Variants in GXYLT1 observed in about 807,000 individuals in gnomAD.
The protein encoded by GXYLT1 is glucoside xylosyltransferase 1, also known as glycosyltransferase 8 domain containing 3.
Under a neutral mutation model 54.0 loss-of-function variants are expected in GXYLT1, and 29 were observed. That is an observed-to-expected ratio of 0.54 (90% confidence interval 0.40 to 0.73). The LOEUF is 0.73. Ranked by LOEUF, GXYLT1 falls within the 30% of genes least tolerant of loss-of-function variation. GXYLT1 has a pLI of 0.00. For missense variants in GXYLT1, 490 were observed against 553.4 expected (o/e 0.89, Z 1.15); for synonymous variants, 176 against 204.1 (o/e 0.86, Z 1.17).
At chr12:42,134,385 C>G (rs1051848829) in intron 1 of GXYLT1, among the ~76,000 whole-genome samples, 1 of 152,110 alleles carries the variant, frequency 6.6e-6, no homozygotes, top group African/African-American at 2.4e-5. Flanking sequence ...AAACACAGCT[C>G]ACTACAGCCT....
chr12:42,083,964 A>C lies in GXYLT1; in HGVS notation c.*3822T>G, dbSNP rs540195331. On this transcript the variant is annotated 3_prime_UTR_variant, in exon 8 of 8. Coordinates refer to ENST00000398675, the MANE Select transcript of GXYLT1 (RefSeq NM_173601.2). ...TGTATTTCCACAGGTCCTAGCTCAC[A>C]AACTGGGATCCACTAAAAAAAAAAG... 6.6e-6 allele frequency: 1 copy of C among 151,096 alleles called. No individual in the cohort carries two copies. The highest frequency in any genetic ancestry group is 2.1e-4 in the South Asian group (1 of 4,810). The allele number at this position is 151,096 out of a possible 1,614,324, so 9.4% of individuals were successfully genotyped here. A position where few individuals can be genotyped will look rare whatever the true frequency, so the allele number is the denominator to read the frequency against.
At chr12:42,102,289 C>A (rs2065394804) in intron 5 of GXYLT1, among the ~76,000 whole-genome samples, 1 of 152,194 alleles carries the variant, frequency 6.6e-6, no homozygotes, top group South Asian at 2.1e-4. Flanking sequence ...AAAAGTTCTA[C>A]CCCTTTGGCA....
rs548517670 is a variant in GXYLT1, at chr12:42,090,592, T to C, written c.1162-2645A>G. On this transcript the variant is annotated intron_variant, in intron 7 of 7. Transcript: ENST00000398675. ...ATACTGTCAGTTGAACGACATGAAATAGTGAAGCTGTGATGACCATAATTA... is the reference window on the plus strand; with the variant it reads ...ATACTGTCAGTTGAACGACATGAAACAGTGAAGCTGTGATGACCATAATTA... 2.4e-4 allele frequency among the ~76,000 whole-genome samples: 37 copies of C among 152,320 alleles called. 1 individual carries two copies. Among genetic ancestry groups the C allele is most frequent in the African/African-American group, 7.9e-4 (33 of 41,572 alleles).
chr12:42,096,414 G>C (rs554144806), intron 7 of GXYLT1, among the ~76,000 whole-genome samples: 35 of 152,132 alleles, frequency 2.3e-4, no homozygotes, highest in Non-Finnish European at 4.4e-4. Context: ...ACAAGAAGTA[G>C]CCAATGGGGC....
chr12:42,132,751 T>A (rs1394672711), intron 1 of GXYLT1, among the ~76,000 whole-genome samples: 1 of 152,084 alleles, frequency 6.6e-6, no homozygotes, highest in Non-Finnish European at 1.5e-5. Context: ...AGTATTACAA[T>A]TAAACTGTAT....
In GXYLT1 at chr12:42,109,578, T is replaced by C. The variant is rs2065440127; in HGVS notation, c.600A>G (p.Arg200=). 1.3e-6 allele frequency: 2 copies of C among 1,489,962 alleles called. No homozygotes were observed. Among genetic ancestry groups the C allele is most frequent in the East Asian group, 2.6e-5 (1 of 39,152 alleles). The allele number at this position is 1,489,962 out of a possible 1,614,324, so 92.3% of individuals were successfully genotyped here. ...GGAAAAAACTTACCGGCAAGAACAA[T>C]CTCTGCGAAGCACATGGTTTAAAGA... ...KKLFKPCASQ[R]LFLPLILKEV... Residue 200 remains arginine (R), a synonymous_variant, in exon 4 of 8, where the codon AGA becomes AGG. Transcript: ENST00000398675.
intron 7 of GXYLT1, among the ~76,000 whole-genome samples, chr12:42,094,381 G>A (rs926724629): frequency 6.8e-6 from 1 of 147,376 alleles, no homozygotes; most frequent in Admixed American, 6.8e-5. Context: ...GATGAGGCTG[G>A]GCTTGATGAC....
intron 1 of GXYLT1, among the ~76,000 whole-genome samples, chr12:42,143,871 T>C (rs1403638764): frequency 6.6e-6 from 1 of 152,174 alleles, no homozygotes; most frequent in Non-Finnish European, 1.5e-5. Flanking sequence ...AAACTGAGTG[T>C]TTCCAAAAGA....
rs1434792360 is a variant in GXYLT1 at position 42,086,707 on chromosome 12, G to A, written c.*1079C>T. The A allele has an allele frequency of 6.6e-6, 1 of 151,418 alleles. No homozygotes were observed. The highest frequency in any genetic ancestry group is 1.5e-5 in the Non-Finnish European group (1 of 67,844). The allele number at this position is 151,418 out of a possible 1,614,324, so 9.4% of individuals were successfully genotyped here. On this transcript the variant is annotated 3_prime_UTR_variant, in exon 8 of 8. Transcript: ENST00000398675. Reference sequence around the variant, plus strand: ...AAAACCACATTTTCTACAGCTGGATGTAACAATCTTATTCCAAATCATCCA... The same window carrying A: ...AAAACCACATTTTCTACAGCTGGATATAACAATCTTATTCCAAATCATCCA...
At chr12:42,140,879 G>GA (rs1181934954) in intron 1 of GXYLT1, among the ~76,000 whole-genome samples, 2 of 152,192 alleles carry the variant, frequency 1.3e-5, no homozygotes, top group East Asian at 3.8e-4. Context: ...ACTCATCAGT[G>GA]AAATATGATA....
chr12:42,104,774 C>T (rs929431556), intron 5 of GXYLT1, among the ~76,000 whole-genome samples: 11 of 152,172 alleles, frequency 7.2e-5, no homozygotes, highest in African/African-American at 2.7e-4. Context: ...ATGTGAAAAA[C>T]GCATGACAAA....
Position 42,082,056 on chromosome 12 carries a change from CA to C in GXYLT1, c.*5729del, listed in dbSNP as rs1431036585. The C allele has an allele frequency of 1.3e-5, 2 of 152,020 alleles. No individual in the cohort carries two copies. The highest frequency in any genetic ancestry group is 4.8e-5 in the African/African-American group (2 of 41,382). 9.4% of individuals were successfully genotyped at this position (152,020 alleles called of 1,614,324 possible). ...TTAGAGGAAAATATTCACAGTATAC[CA>C]AAACATTTTAAGATAAAGAGCAGTG... On this transcript the variant is annotated 3_prime_UTR_variant, in exon 8 of 8. Coordinates refer to ENST00000398675, the MANE Select transcript of GXYLT1 (RefSeq NM_173601.2).
chr12:42,133,296 C>T (rs1382352327), intron 1 of GXYLT1, among the ~76,000 whole-genome samples: 1 of 152,064 alleles, frequency 6.6e-6, no homozygotes, highest in Non-Finnish European at 1.5e-5. Flanking sequence ...AACCAACCAA[C>T]CAACCAAGTA....
rs1344877870 is a variant in GXYLT1 at position 42,083,854 on chromosome 12, C to A, written c.*3932G>T. On this transcript the variant is annotated 3_prime_UTR_variant, in exon 8 of 8. Coordinates refer to ENST00000398675, the MANE Select transcript of GXYLT1 (RefSeq NM_173601.2). ...CCTAATGAAGCAGTCCCCTCCACTT[C>A]CAACCTCCACTGGGGAATATGTAGT... 2 of 152,204 alleles carry A rather than the reference C, an allele frequency of 1.3e-5. No individual in the cohort carries two copies. Among genetic ancestry groups the A allele is most frequent in the East Asian group, 3.9e-4 (2 of 5,194 alleles). The allele number at this position is 152,204 out of a possible 1,614,324, so 9.4% of individuals were successfully genotyped here.
chr12:42,088,757 T>C (rs913522063), intron 7 of GXYLT1, among the ~76,000 whole-genome samples: 5 of 152,052 alleles, frequency 3.3e-5, no homozygotes, highest in African/African-American at 1.2e-4. Context: ...TGGATGGGGC[T>C]TAAAAGTAGA....
chr12:42,114,399 G>C (rs1170500614), intron 3 of GXYLT1, among the ~76,000 whole-genome samples: 10 of 151,946 alleles, frequency 6.6e-5, no homozygotes, highest in African/African-American at 2.4e-4. Context: ...TAACAAAGAA[G>C]AAAAGAGAGA....
At position 42,135,319 on chromosome 12, in the gene GXYLT1, T is replaced by C. The variant is rs565214227; in HGVS notation, c.222-5468A>G. 2.6e-5 allele frequency among the ~76,000 whole-genome samples: 4 copies of C among 152,324 alleles called. No homozygotes were observed. The South Asian group carries it at 6.2e-4, about 24-fold the overall frequency. ...TGTAATGTGTGCAAGAAATAAATGC[T>C]TGCTATTGTAAACTGTTTAGATGTA... On this transcript the variant is annotated intron_variant, in intron 1 of 7. Coordinates refer to ENST00000398675, the MANE Select transcript of GXYLT1 (RefSeq NM_173601.2).
At chr12:42,137,771 A>AG (rs2065628966) in intron 1 of GXYLT1, among the ~76,000 whole-genome samples, 1 of 151,342 alleles carries the variant, frequency 6.6e-6, no homozygotes, top group Admixed American at 6.6e-5. Context: ...TGAAAAAAAA[A>AG]AAAAAAAGTC....
At chr12:42,090,411 T>C (rs898105516) in intron 7 of GXYLT1, among the ~76,000 whole-genome samples, 1 of 152,216 alleles carries the variant, frequency 6.6e-6, no homozygotes, top group African/African-American at 2.4e-5. Flanking sequence ...TATGCCTGAC[T>C]TATCCTTACC....
Sources: allele counts gnomAD v4.1 joint callset (sites outside exome capture counted in the v4.1 genomes callset), GRCh38; gene constraint gnomAD v4.1.1; transcripts MANE v1.5; gene names NCBI Gene and HGNC (gene_info 2026-07-23, HGNC 2026-07-21).